RBFOX1: variants seen among roughly 807,000 people sequenced by gnomAD.
The protein encoded by RBFOX1 is RNA binding fox-1 homolog 1.
A neutral mutation model predicts 57.7 loss-of-function variants in RBFOX1; 8 were observed. The observed-to-expected ratio is 0.14, with a 90% confidence interval of 0.08 to 0.25. The LOEUF (loss-of-function observed/expected upper bound fraction) is 0.25, where lower values mean the gene tolerates loss of function less well. Among genes scored for constraint, RBFOX1 ranks in the 10% least tolerant of loss-of-function variants. The probability of loss-of-function intolerance (pLI) is 1.00; values close to 1 mark genes in which losing one functional copy is unlikely to be tolerated. For synonymous variants in RBFOX1, 326 were observed against 222.4 expected (o/e 1.47, Z -4.15); for missense variants, 611 against 548.5 (o/e 1.11, Z -1.14).
chr16:5,967,689 C>T (rs763336820), intron 4 of RBFOX1, among the ~76,000 whole-genome samples: 4 of 152,124 alleles, frequency 2.6e-5, no homozygotes, highest in Non-Finnish European at 5.9e-5. Flanking sequence ...TCTTCTTCTT[C>T]CCCCTAAGAA....
intron 1 of RBFOX1, among the ~76,000 whole-genome samples, chr16:5,373,486 G>A (rs2065909482): frequency 1.3e-5 from 2 of 151,992 alleles, no homozygotes; most frequent in African/African-American, 4.8e-5. Context: ...CTCCTCCTCT[G>A]CCCATGTAAG....
intron 2 of RBFOX1, among the ~76,000 whole-genome samples, chr16:6,618,367 T>C (rs1273412085): frequency 1.3e-5 from 2 of 152,204 alleles, no homozygotes; most frequent in Non-Finnish European, 2.9e-5. Flanking sequence ...CCATTCAGTA[T>C]GCCAAATAAC....
At chr16:7,043,392 G>A (rs955712451) in intron 3 of RBFOX1, among the ~76,000 whole-genome samples, 6 of 152,038 alleles carry the variant, frequency 3.9e-5, no homozygotes, top group Non-Finnish European at 7.4e-5. Flanking sequence ...TTAGCACAGC[G>A]CTAGGCAGTT....
intron 1 of RBFOX1, among the ~76,000 whole-genome samples, chr16:5,368,687 C>A (rs2065785980): frequency 6.6e-6 from 1 of 152,096 alleles, no homozygotes; most frequent in South Asian, 2.1e-4. Flanking sequence ...AAAATTCTGG[C>A]CTTTCAGGGG....
At chr16:6,825,387 C>T (rs556026636) in intron 3 of RBFOX1, among the ~76,000 whole-genome samples, 2 of 151,570 alleles carry the variant, frequency 1.3e-5, no homozygotes, top group East Asian at 1.9e-4. Flanking sequence ...TTAAAATTCA[C>T]GAATTAACGG....
At chr16:6,129,692 C>T (rs1218620230) in intron 1 of RBFOX1, among the ~76,000 whole-genome samples, 1 of 88,236 alleles carries the variant, frequency 1.1e-5, no homozygotes, top group African/African-American at 5.4e-5. Flanking sequence ...AGGTTAAATA[C>T]AGGTAGAATT....
chr16:5,592,025 C>T (rs773448850), intron 2 of RBFOX1, among the ~76,000 whole-genome samples: 3 of 152,096 alleles, frequency 2.0e-5, no homozygotes, highest in Non-Finnish European at 2.9e-5. Flanking sequence ...TGTCAGTCTC[C>T]GTAAAAAATA....
intron 2 of RBFOX1, among the ~76,000 whole-genome samples, chr16:6,536,755 AT>A (rs1296089240): frequency 6.6e-6 from 1 of 152,160 alleles, no homozygotes; most frequent in Non-Finnish European, 1.5e-5. Flanking sequence ...GTTTTAAAAG[AT>A]TAAAGAGAGA....
At chr16:6,455,424 C>T (rs1480618506) in intron 2 of RBFOX1, among the ~76,000 whole-genome samples, 1 of 152,180 alleles carries the variant, frequency 6.6e-6, no homozygotes, top group Non-Finnish European at 1.5e-5. Flanking sequence ...TTCCTCTACA[C>T]CCAACCTTGA....
intron 5 of RBFOX1, among the ~76,000 whole-genome samples, chr16:7,570,844 C>T (rs756586001): frequency 7.9e-5 from 12 of 152,150 alleles, no homozygotes; most frequent in Admixed American, 2.0e-4. Flanking sequence ...CTCAAATGCC[C>T]ATCAATGATA....
At chr16:6,329,676 A>G (rs2082774858) in intron 2 of RBFOX1, among the ~76,000 whole-genome samples, 1 of 152,190 alleles carries the variant, frequency 6.6e-6, no homozygotes, top group Non-Finnish European at 1.5e-5. Context: ...CCATGCCTGT[A>G]ATCCCAGCAC....
intron 2 of RBFOX1, among the ~76,000 whole-genome samples, chr16:6,533,253 T>C (rs2096685553): frequency 6.6e-6 from 1 of 152,226 alleles, no homozygotes; most frequent in South Asian, 2.1e-4. Flanking sequence ...AGAGAACTTT[T>C]CTAAGTAACC....
chr16:6,058,629 CCCACCCATCCACCCATCCAT>C (rs2095644146), intron 1 of RBFOX1, among the ~76,000 whole-genome samples: 1 of 149,250 alleles, frequency 6.7e-6, no homozygotes, highest in South Asian at 2.2e-4. Flanking sequence ...CATCCATCTA[CCCACCCATCCACCCATCCAT>C]CCACCCATCC....
At chr16:5,787,327 G>A (rs1250899753) in intron 3 of RBFOX1, among the ~76,000 whole-genome samples, 3 of 152,174 alleles carry the variant, frequency 2.0e-5, no homozygotes, top group Non-Finnish European at 1.5e-5. Flanking sequence ...ACACAGAAGA[G>A]CCTCACAGTG....
At chr16:6,514,282 A>C (rs192402908) in intron 2 of RBFOX1, among the ~76,000 whole-genome samples, 18 of 152,218 alleles carry the variant, frequency 1.2e-4, no homozygotes, top group Admixed American at 1.0e-3. Flanking sequence ...TTTCCACTTC[A>C]TCTTACCATA....
At chr16:7,452,151 C>T (rs911847401) in intron 4 of RBFOX1, among the ~76,000 whole-genome samples, 1 of 152,148 alleles carries the variant, frequency 6.6e-6, no homozygotes, top group African/African-American at 2.4e-5. Flanking sequence ...CTTTATGATC[C>T]AGCCAAGTTA....
rs556438917 is a variant in RBFOX1 at position 7,401,932 on chromosome 16, A to T, written c.28-116215A>T. ...TCATGTCATCTCTCAGTGAGGTTAA[A>T]TCTCCAAAAGAGGAATGTCATCTGT... On this transcript the variant is annotated intron_variant, in intron 4 of 15. Coordinates refer to ENST00000550418, the MANE Select transcript of RBFOX1 (RefSeq NM_018723.4). 2.0e-5 allele frequency among the ~76,000 whole-genome samples: 3 copies of T among 152,296 alleles called. No individual in the cohort carries two copies. The East Asian group carries it at 5.8e-4, about 29-fold the overall frequency.
At chr16:5,887,436 C>G (rs2057926591) in intron 4 of RBFOX1, among the ~76,000 whole-genome samples, 1 of 152,198 alleles carries the variant, frequency 6.6e-6, no homozygotes, top group African/African-American at 2.4e-5. Context: ...TAGTCTCACT[C>G]TGTTGCCCAG....
intron 4 of RBFOX1, among the ~76,000 whole-genome samples, chr16:7,250,532 T>A (rs1308247579): frequency 6.6e-6 from 1 of 152,248 alleles, no homozygotes; most frequent in Non-Finnish European, 1.5e-5. Flanking sequence ...AGTTAGTTTT[T>A]ATCCCCTCCC....
Sources: gnomAD v4.1 joint callset for allele counts (sites outside exome capture counted in the v4.1 genomes callset) on GRCh38, gnomAD v4.1.1 for gene constraint, MANE v1.5 for transcripts, NCBI Gene and HGNC (gene_info 2026-07-23, HGNC 2026-07-21) for gene names.